Variants in EML3 observed in about 807,000 individuals in gnomAD.
EML3 encodes the protein EMAP like 3, also known as echinoderm microtubule-associated protein-like 3.
EML3 carries 53 observed loss-of-function variants against 106.7 expected under a neutral mutation model. The observed-to-expected ratio is 0.50, with a 90% CI of 0.40 to 0.62. The LOEUF is 0.62. Among genes scored for constraint, EML3 ranks in the 20% least tolerant of loss-of-function variants. The probability of loss-of-function intolerance (pLI) is 0.00; values close to 1 mark genes in which losing one functional copy is unlikely to be tolerated. For missense variants in EML3, 994 were observed against 1,209.1 expected (o/e 0.82, Z 2.64); for synonymous variants, 499 against 489.6 (o/e 1.02, Z -0.25).
intron 16 of EML3, chr11:62,604,745 G>A (rs1942428338): frequency 1.0e-5 from 2 of 195,250 alleles, no homozygotes. Context: ...GGCTTCTGAT[G>A]TCGTCTGAAA....
chr11:62,609,614 T>A lies in EML3; in HGVS notation c.634+15A>T. The A allele has an allele frequency of 6.2e-7, 1 of 1,602,752 alleles. No individual in the cohort carries two copies. The highest frequency in any genetic ancestry group is 8.5e-7 in the Non-Finnish European group (1 of 1,174,734). On this transcript the variant is annotated intron_variant, in intron 5 of 21. Coordinates refer to ENST00000394773, the MANE Select transcript of EML3 (RefSeq NM_153265.3). Reference sequence around the variant, plus strand: ...CCTGCCATCCAAGTTTTCCTCTCTGTCCCTCTTTACATACCCAAATTGTAA... The same window carrying A: ...CCTGCCATCCAAGTTTTCCTCTCTGACCCTCTTTACATACCCAAATTGTAA...
Position 62,605,450 on chromosome 11 carries a change from G to A in EML3, c.1914+192C>T, listed in dbSNP as rs759349412. On this transcript the variant is annotated intron_variant, in intron 15 of 21. Coordinates refer to ENST00000394773, the MANE Select transcript of EML3 (RefSeq NM_153265.3). The surrounding 1 kb of genome is among the most constrained non-coding windows in gnomAD (Gnocchi z 5.2). ...AGGGGTTCTGGGGGCGGCAGGGAGT[G>A]CCCAGGTGGTACTAGAAGCATCAGC... is the stretch of plus-strand genomic sequence containing the variant. 28 of 821,404 alleles carry A rather than the reference G, an allele frequency of 3.4e-5. No individual in the cohort carries two copies. The highest frequency in any genetic ancestry group is 3.7e-4 in the Middle Eastern group (1 of 2,692). The allele number at this position is 821,404 out of a possible 1,614,324, so 50.9% of individuals were successfully genotyped here.
At chr11:62,607,909 G>A in intron 10 of EML3, 88 bp from the exon 11 acceptor site, 1 of 1,489,162 alleles carries the variant, frequency 6.7e-7, no homozygotes, top group Non-Finnish European at 9.1e-7. Context: ...ATGACAGCTG[G>A]CTGGCAGAGG....
chr11:62,612,221 T>G, intron 1 of EML3: 1 of 514,468 alleles, frequency 1.9e-6, no homozygotes, highest in Non-Finnish European at 3.4e-6. Context: ...GGGCCCGGAG[T>G]TACGTGGGGC....
chr11:62,609,020 CT>C lies in EML3; in HGVS notation c.870del (p.Gly292ValfsTer29). The C allele has an allele frequency of 2.5e-6, 4 of 1,614,048 alleles. No homozygotes were observed. The highest frequency in any genetic ancestry group is 1.3e-5 in the African/African-American group (1 of 75,034). On this transcript the variant is annotated frameshift_variant, in exon 7 of 22. Transcript: ENST00000394773. LOFTEE classifies it high-confidence loss of function. Reference sequence around the variant, plus strand: ...CTCTGGCCGCCACCTCCAGGACCCCCTGGGCCTCCTCCAGGCCGGTACAGCA... The same window carrying C: ...CTCTGGCCGCCACCTCCAGGACCCCCGGGCCTCCTCCAGGCCGGTACAGCA... Reference protein sequence around the residue: ...VVVLYRPGGGPGGPGGGGQRH... With the variant: ...VVVLYRPGGGXGGPGGGGQRH...
chr11:62,606,360 T>G (rs540886970), intron 12 of EML3, 146 bp from the exon 13 acceptor site: 1 of 938,704 alleles, frequency 1.1e-6, no homozygotes, highest in African/African-American at 1.7e-5. Context: ...CCAACACATC[T>G]GTTATTCTCC....
intron 11 of EML3, 42 bp from the exon 12 acceptor site, chr11:62,607,141 G>T: frequency 6.2e-7 from 1 of 1,605,436 alleles, no homozygotes; most frequent in South Asian, 1.1e-5. Context: ...CAAAGGGAAG[G>T]GCAAAGATTA....
At position 62,609,379 on chromosome 11, in the gene EML3, G is replaced by T; in HGVS notation, c.733C>A (p.Pro245Thr). Residue 245 changes from proline (P) to threonine (T), a missense_variant, in exon 6 of 22, where the codon CCA becomes ACA. Coordinates refer to ENST00000394773, the MANE Select transcript of EML3 (RefSeq NM_153265.3). ...ACCCAGTCAAGGCTGAGGGTCTCTG[G>T]CGGTGGGCCACTCGGCAGCTCCTCA... ...SLEELPSGPPPETLSLDWVYG... is the reference protein window; with the variant it reads ...SLEELPSGPPTETLSLDWVYG... 4 of 1,592,514 alleles carry T rather than the reference G, an allele frequency of 2.5e-6. No individual in the cohort carries two copies. Among genetic ancestry groups the T allele is most frequent in the Middle Eastern group, 1.7e-4 (1 of 5,952 alleles).
Position 62,605,698 on chromosome 11 carries a change from G to T in EML3, c.1858C>A (p.Gln620Lys), listed in dbSNP as rs34098002. ...NRFLTCGHDR[Q>K]LCLWDGESHA... ...CTCTCCCCATCCCACAGGCAGAGCT[G>T]CCGGTCGTGGCCGCAGGTGAGGAAG... The change falls in exon 15 of 22, where the codon CAG becomes AAG. Residue 620 changes from glutamine (Q) to lysine (K), a missense_variant. Physicochemically the swap from Gln to Lys is moderately conservative, Grantham distance 53 (BLOSUM62 1). This residue lies in a region of EML3 where 713 missense variants were observed against 920.5 expected (regional missense o/e 0.77). Transcript: ENST00000394773. This position sits in a 1 kb window ranked among gnomAD's most constrained non-coding sequence, Gnocchi z 5.2. 6.3e-7 allele frequency: 1 copy of T among 1,597,582 alleles called. No homozygotes were observed.
In EML3 at chr11:62,606,174, A is replaced by C. The variant is rs761180605; in HGVS notation, c.1545T>G (p.Gly515=). Residue 515 remains glycine (G), a synonymous_variant, in exon 13 of 22, where the codon GGT becomes GGG. Coordinates refer to ENST00000394773, the MANE Select transcript of EML3 (RefSeq NM_153265.3). ...TCCGGAGACACAAGGCGAAGATAGA[A>C]CCTTCATGAGCGTGAGCCTGGGCCA... is the stretch of plus-strand genomic sequence containing the variant. ...GIVAQAHAHE[G]SIFALCLRRD... is the part of the protein sequence containing the mutation. 6.2e-7 allele frequency: 1 copy of C among 1,613,952 alleles called. No individual in the cohort carries two copies. The highest frequency in any genetic ancestry group is 2.2e-5 in the East Asian group (1 of 44,876).
Position 62,605,691 on chromosome 11 carries a change from C to T in EML3, c.1865G>A (p.Cys622Tyr), listed in dbSNP as rs1019148008. 6.3e-7 allele frequency: 1 copy of T among 1,595,856 alleles called. No individual in the cohort carries two copies. The highest frequency in any genetic ancestry group is 8.5e-7 in the Non-Finnish European group (1 of 1,170,498). ...TGCATGGCTCTCCCCATCCCACAGG[C>T]AGAGCTGCCGGTCGTGGCCGCAGGT... ...FLTCGHDRQL[C>Y]LWDGESHALA... The change falls in exon 15 of 22, where the codon TGC becomes TAC. Residue 622 changes from cysteine (C) to tyrosine (Y), a missense_variant. Physicochemically the swap from Cys to Tyr is radical, Grantham distance 194. This residue lies in a region of EML3 where 713 missense variants were observed against 920.5 expected (regional missense o/e 0.77). Coordinates refer to ENST00000394773, the MANE Select transcript of EML3 (RefSeq NM_153265.3). This position sits in a 1 kb window ranked among gnomAD's most constrained non-coding sequence, Gnocchi z 5.2.
chr11:62,603,648 TA>T, intron 19 of EML3, 80 bp downstream of exon 19: 1 of 1,226,806 alleles, frequency 8.2e-7, no homozygotes, highest in Non-Finnish European at 1.2e-6. Context: ...CTTCCTTATC[TA>T]ACAACACCTC....
chr11:62,612,287 G>A, intron 1 of EML3, 149 bp downstream of exon 1: 2 of 753,646 alleles, frequency 2.7e-6, no homozygotes, highest in Non-Finnish European at 2.1e-6. Flanking sequence ...AACTAGGGAG[G>A]GCGACCGGAG....
At position 62,602,888 on chromosome 11, in the gene EML3, G is replaced by A. The variant is rs1318454990; in HGVS notation, c.2358C>T (p.Gly786=). The A allele has an allele frequency of 6.4e-7, 1 of 1,559,262 alleles. No individual in the cohort carries two copies. Among genetic ancestry groups the A allele is most frequent in the Non-Finnish European group, 8.7e-7 (1 of 1,152,062 alleles). Residue 786 remains glycine (G), a splice_region_variant and synonymous_variant, in exon 21 of 22, where the codon GGC becomes GGT. Transcript: ENST00000394773. ...YTCVLGFHVY[G]VWPDGSDGTD... The stretch of plus-strand genomic sequence containing the variant: ...TCCCATCGGAGCCGTCCGGCCAGAC[G>A]CCTAGCACAGCGGCCGGCCTCAGCC...
intron 4 of EML3, 93 bp downstream of exon 4, chr11:62,610,786 C>G: frequency 8.9e-7 from 1 of 1,121,672 alleles, no homozygotes; most frequent in Non-Finnish European, 1.3e-6. Context: ...GCAATCAGGT[C>G]CCCCCACCCC....
intron 11 of EML3, 39 bp from the exon 12 acceptor site, chr11:62,607,138 A>AAATG: frequency 1.2e-6 from 2 of 1,607,602 alleles, no homozygotes; most frequent in South Asian, 2.2e-5. Flanking sequence ...GGTCAAAGGG[A>AAATG]AGGGCAAAGA....
chr11:62,611,222 G>A lies in EML3; in HGVS notation c.317C>T (p.Pro106Leu), dbSNP rs767961376. The A allele has an allele frequency of 4.3e-6, 7 of 1,611,292 alleles. No individual in the cohort carries two copies. In the African/African-American group the frequency reaches 6.7e-5, roughly 15 times the overall value. ...SPGPPGLSNG[P>L]PAPQGASEEP... is the part of the protein sequence containing the mutation. The stretch of plus-strand genomic sequence containing the variant: ...TTCGCTGGCCCCCTGAGGGGCTGGG[G>A]GTCCATTGCTCAGGCCAGGGGGTCC... Residue 106 changes from proline to leucine, a missense_variant, in exon 3 of 22, where the codon CCC (proline) becomes CTC (leucine). This residue lies in a region of EML3 where 269 missense variants were observed against 265.1 expected (regional missense o/e 1.01). Transcript: ENST00000394773.
In EML3 at chr11:62,612,658, C is replaced by A; in HGVS notation, c.-201G>T. 2.4e-6 allele frequency: 1 copy of A among 421,760 alleles called. No individual in the cohort carries two copies. Among genetic ancestry groups the A allele is most frequent in the Non-Finnish European group, 4.0e-6 (1 of 248,910 alleles). The allele number at this position is 421,760 out of a possible 1,614,324, so 26.1% of individuals were successfully genotyped here. A position where few individuals can be genotyped will look rare whatever the true frequency, so the allele number is the denominator to read the frequency against. On this transcript the variant is annotated 5_prime_UTR_variant, in exon 1 of 22. Transcript: ENST00000394773. ...CCCGGGGCCGCAGTCTCCAGACCCCCCCGGGCCCTCGGACTCTCCCGGGGC... is the reference window on the plus strand; with the variant it reads ...CCCGGGGCCGCAGTCTCCAGACCCCACCGGGCCCTCGGACTCTCCCGGGGC...
At chr11:62,610,855 G>A in intron 4 of EML3, 24 bp downstream of exon 4, 1 of 1,568,846 alleles carries the variant, frequency 6.4e-7, no homozygotes, top group Non-Finnish European at 8.6e-7. Context: ...GGGGCGGGGT[G>A]GGTTGAGGGG....
Sources: allele counts gnomAD v4.1 joint callset, GRCh38; gene constraint gnomAD v4.1.1; regional missense constraint gnomAD v4.1.1; non-coding constraint Gnocchi (gnomAD v3.1); transcripts MANE v1.5; gene names NCBI Gene and HGNC (gene_info 2026-07-23, HGNC 2026-07-21).